Variants in RNF216 observed in about 807,000 individuals in gnomAD.
RNF216 encodes the protein E3 ubiquitin-protein ligase RNF216.
In RNF216, 72 loss-of-function variants were observed where a neutral mutation model predicts 110.8. The observed-to-expected ratio is 0.65, with a 90% confidence interval of 0.54 to 0.79. RNF216 has a LOEUF of 0.79. RNF216 is among the 30% of genes least tolerant of loss of function. RNF216 has a pLI of 0.00. For synonymous variants in RNF216, 495 were observed against 407.5 expected (o/e 1.21, Z -2.59); for missense variants, 1,342 against 1,141.2 (o/e 1.18, Z -2.54).
rs371533313 is a variant in RNF216, at chr7:5,741,252, C to A, written c.765G>T (p.Gln255His). 1 of 1,614,160 alleles carries A rather than the reference C, an allele frequency of 6.2e-7. No homozygotes were observed. Among genetic ancestry groups the A allele is most frequent in the African/African-American group, 1.3e-5 (1 of 75,028 alleles). ...ITNQVVPQER[Q>H]PEAELGRLLF... ...ACAAGCGGCCCAGTTCTGCTTCAGG[C>A]TGCCGTTCCTGAGGAACGACCTGGT... Residue 255 changes from glutamine to histidine, a missense_variant, in exon 4 of 17, where the codon CAG (glutamine) becomes CAT (histidine). By Grantham distance (24) the Gln-to-His change is conservative (BLOSUM62 0). Coordinates refer to ENST00000389902, the MANE Select transcript of RNF216 (RefSeq NM_207111.4).
At chr7:5,764,993 C>A (rs747070009) in intron 1 of RNF216, among the ~76,000 whole-genome samples, 47 of 151,410 alleles carry the variant, frequency 3.1e-4, no homozygotes, top group South Asian at 6.3e-4. Flanking sequence ...TTGCTTGAGC[C>A]CATGAGTTCC....
chr7:5,686,777 T>C (rs1003070524), intron 13 of RNF216, among the ~76,000 whole-genome samples: 2 of 152,238 alleles, frequency 1.3e-5, no homozygotes, highest in African/African-American at 2.4e-5. Context: ...CGTGGAAGAC[T>C]ATTTTTCCAC....
intron 13 of RNF216, among the ~76,000 whole-genome samples, chr7:5,663,586 GAAAAAAAA>G (rs35905773): frequency 1.2e-5 from 1 of 80,108 alleles, no homozygotes; most frequent in Non-Finnish European, 2.3e-5. Context: ...TCCACCTCAG[GAAAAAAAA>G]AAAAAAAAAA....
intron 13 of RNF216, among the ~76,000 whole-genome samples, chr7:5,659,952 ATTTT>A (rs36099512): frequency 2.3e-5 from 3 of 132,834 alleles, no homozygotes; most frequent in Non-Finnish European, 3.2e-5. Context: ...ACATTCATTA[ATTTT>A]TTTTTTTTTT....
At chr7:5,735,043 G>A (rs191777196) in intron 5 of RNF216, among the ~76,000 whole-genome samples, 2 of 151,872 alleles carry the variant, frequency 1.3e-5, no homozygotes, top group East Asian at 3.9e-4. Context: ...CTACTCAGGA[G>A]GCTGAGGCAG....
rs955812255 is a variant in RNF216, at chr7:5,696,951, A to T, written c.2061+14810T>A. 6.6e-6 allele frequency among the ~76,000 whole-genome samples: 1 copy of T among 152,152 alleles called. No individual in the cohort carries two copies. Among genetic ancestry groups the T allele is most frequent in the African/African-American group, 2.4e-5 (1 of 41,434 alleles). On this transcript the variant is annotated intron_variant, in intron 13 of 16. Transcript: ENST00000389902. This position sits in a 1 kb window ranked among gnomAD's most constrained non-coding sequence, Gnocchi z 5.4. The stretch of plus-strand genomic sequence containing the variant: ...CAAAATTCACCCTCCCACAAGCAGC[A>T]TGTGATCCCACTGTGTCCCTCCATT...
At chr7:5,725,541 C>A in intron 7 of RNF216, 103 bp from the exon 8 acceptor site, 1 of 705,930 alleles carries the variant, frequency 1.4e-6, no homozygotes, top group Non-Finnish European at 2.5e-6. Flanking sequence ...CAGCTGTCTA[C>A]CCAGCATGGC....
intron 1 of RNF216, among the ~76,000 whole-genome samples, chr7:5,771,236 T>C (rs1043686549): frequency 6.6e-6 from 1 of 152,184 alleles, no homozygotes; most frequent in African/African-American, 2.4e-5. Context: ...TAACAACCCC[T>C]TCCTCATGCC....
At chr7:5,768,066 T>A (rs1254405103) in intron 1 of RNF216, among the ~76,000 whole-genome samples, 1 of 152,052 alleles carries the variant, frequency 6.6e-6, no homozygotes, top group African/African-American at 2.4e-5. Context: ...TTGCCGGTAC[T>A]CTAATTTGCA....
At chr7:5,653,528 G>A (rs1788528568) in intron 13 of RNF216, among the ~76,000 whole-genome samples, 1 of 148,434 alleles carries the variant, frequency 6.7e-6, no homozygotes, top group Non-Finnish European at 1.5e-5. Context: ...GTGAACCCGG[G>A]AGGCGGAGCT....
At chr7:5,718,637 A>G (rs538844623) in intron 9 of RNF216, among the ~76,000 whole-genome samples, 1 of 150,696 alleles carries the variant, frequency 6.6e-6, no homozygotes, top group Non-Finnish European at 1.5e-5. Flanking sequence ...ACCAACCTCG[A>G]CCTCCCATGT....
intron 1 of RNF216, among the ~76,000 whole-genome samples, chr7:5,764,647 C>CAA (rs5882067): frequency 1.5e-5 from 2 of 132,816 alleles, no homozygotes; most frequent in Non-Finnish European, 3.2e-5. Flanking sequence ...GACACCGTCT[C>CAA]AAAAAAAAAA....
chr7:5,734,634 G>A (rs552877553), intron 5 of RNF216, among the ~76,000 whole-genome samples: 4 of 136,340 alleles, frequency 2.9e-5, no homozygotes, highest in African/African-American at 1.3e-4. Flanking sequence ...GGTAGAGTCT[G>A]TCGTTGAAAA....
intron 9 of RNF216, among the ~76,000 whole-genome samples, chr7:5,719,908 A>G (rs1793309467): frequency 6.6e-6 from 1 of 152,256 alleles, no homozygotes; most frequent in South Asian, 2.1e-4. Context: ...GGGATGTGGC[A>G]GAAGCACTTT....
chr7:5,625,525 T>A (rs1786653451), intron 15 of RNF216, among the ~76,000 whole-genome samples: 1 of 152,134 alleles, frequency 6.6e-6, no homozygotes. Flanking sequence ...GGCAGCCCCA[T>A]CGAGGGCTAA....
chr7:5,627,783 C>T (rs852456), intron 15 of RNF216, among the ~76,000 whole-genome samples: 69,365 of 150,986 alleles, frequency 0.46, 19,161 homozygotes, highest in East Asian at 0.97. Flanking sequence ...CCCCTTTTTT[C>T]CCTCAGACTC....
chr7:5,733,663 C>CA (rs75175715), intron 5 of RNF216, among the ~76,000 whole-genome samples: 6,875 of 113,706 alleles, frequency 0.06, 211 homozygotes, highest in East Asian at 0.092. Flanking sequence ...AAACATTAAC[C>CA]AAAAAAAAAA....
In RNF216 at chr7:5,680,150, A is replaced by C. The variant is rs1297285067; in HGVS notation, c.2062-27640T>G. Among the ~76,000 whole-genome samples the C allele has an allele frequency of 1.3e-5, 2 of 152,168 alleles. No individual in the cohort carries two copies. Among genetic ancestry groups the C allele is most frequent in the South Asian group, 4.1e-4 (2 of 4,830 alleles). ...CATCTCCCCCACGAGCTGGCCCTGA[A>C]GCTTCCAGCCTCCTCAGAGCTCGCC... On this transcript the variant is annotated intron_variant, in intron 13 of 16. Coordinates refer to ENST00000389902, the MANE Select transcript of RNF216 (RefSeq NM_207111.4). The surrounding 1 kb of genome is among the most constrained non-coding windows in gnomAD (Gnocchi z 4.3).
intron 5 of RNF216, among the ~76,000 whole-genome samples, chr7:5,736,769 G>A (rs1309817790): frequency 5.3e-5 from 8 of 151,700 alleles, no homozygotes; most frequent in Non-Finnish European, 1.0e-4. Flanking sequence ...CTGCCAGGCT[G>A]CGACCCCATC....
Sources: gnomAD v4.1 joint callset for allele counts (sites outside exome capture counted in the v4.1 genomes callset) on GRCh38, gnomAD v4.1.1 for gene constraint, Gnocchi (gnomAD v3.1) non-coding constraint, MANE v1.5 for transcripts, NCBI Gene and HGNC (gene_info 2026-07-23, HGNC 2026-07-21) for gene names.